SAA2: variants seen among roughly 807,000 people sequenced by gnomAD.
SAA2 encodes the protein serum amyloid A2, also known as serum amyloid A-2 protein.
SAA2 carries 5 observed loss-of-function variants against 9.1 expected under a neutral mutation model. The ratio of observed to expected loss-of-function variants is 0.55; its 90% CI spans 0.29 to 1.16. SAA2 has a LOEUF of 1.16. Among genes scored for constraint, SAA2 ranks in the 50% most tolerant of loss-of-function variants. The pLI is 0.09. For synonymous variants in SAA2, 49 were observed against 59.8 expected (o/e 0.82, Z 0.83); for missense variants, 94 against 153.8 (o/e 0.61, Z 2.06).
chr11:18,243,521 T>C (rs1857409799), downstream of SAA2, among the ~76,000 whole-genome samples: 1 of 152,220 alleles, frequency 6.6e-6, no homozygotes, highest in South Asian at 2.1e-4. Context: ...TCTGCTCCCA[T>C]GAGCCAATCT....
chr11:18,243,182 CT>C (rs1857397900), downstream of SAA2, among the ~76,000 whole-genome samples: 2 of 151,756 alleles, frequency 1.3e-5, no homozygotes, highest in Non-Finnish European at 2.9e-5. Context: ...TGATTTGGTC[CT>C]TTACAGACGG....
chr11:18,238,442 T>C (rs1177337592), downstream of SAA2, among the ~76,000 whole-genome samples: 2 of 152,202 alleles, frequency 1.3e-5, no homozygotes, highest in African/African-American at 4.8e-5. Flanking sequence ...CTCAATTTCA[T>C]AGTATTTGAA....
At chr11:18,246,495 C>A (rs1262972032) in intron 2 of SAA2, among the ~76,000 whole-genome samples, 4 of 152,322 alleles carry the variant, frequency 2.6e-5, no homozygotes, top group Admixed American at 6.5e-5. Context: ...CTTGAGGAAG[C>A]AATAGAGCAG....
Position 18,245,335 on chromosome 11 carries a change from G to T in SAA2, c.*42C>A, listed in dbSNP as rs1857470337. On this transcript the variant is annotated 3_prime_UTR_variant, in exon 4 of 4. Transcript: ENST00000256733. ...CTAACTTTGTATCCCTGCCCCGAGG[G>T]CCTCATAGCCAGGTCTCCTGAGAGC... 6.2e-7 allele frequency: 1 copy of T among 1,611,612 alleles called. No homozygotes were observed. The highest frequency in any genetic ancestry group is 1.3e-5 in the African/African-American group (1 of 74,868).
At chr11:18,246,481 G>T (rs1480867472) in intron 2 of SAA2, among the ~76,000 whole-genome samples, 2 of 152,230 alleles carry the variant, frequency 1.3e-5, no homozygotes, top group Non-Finnish European at 2.9e-5. Flanking sequence ...GATACTGTGG[G>T]TTGCTTGAGG....
chr11:18,239,905 G>A, exon 4 of SAA2: 2 of 1,542,608 alleles, frequency 1.3e-6, no homozygotes, highest in Middle Eastern at 1.7e-4. Flanking sequence ...ATCAATGCCT[G>A]GGTCATGTAG....
downstream of SAA2, among the ~76,000 whole-genome samples, chr11:18,240,966 C>T (rs1302971386): frequency 6.6e-6 from 1 of 152,110 alleles, no homozygotes; most frequent in East Asian, 1.9e-4. Flanking sequence ...GCAAACTACT[C>T]ATCTGACAAA....
At chr11:18,242,815 TC>T (rs1235916807), downstream of SAA2, 1 of 701,586 alleles carries the variant, frequency 1.4e-6, no homozygotes, top group Non-Finnish European at 2.6e-6. Context: ...CCATGGCACT[TC>T]AGCCTGGATG....
At chr11:18,246,502 G>GC (rs1857546081) in intron 2 of SAA2, among the ~76,000 whole-genome samples, 1 of 152,212 alleles carries the variant, frequency 6.6e-6, no homozygotes, top group Admixed American at 6.5e-5. Flanking sequence ...AAGCAATAGA[G>GC]CAGCGGTTCT....
downstream of SAA2, chr11:18,242,883 G>T: frequency 1.5e-6 from 1 of 688,768 alleles, no homozygotes; most frequent in South Asian, 1.5e-5. Flanking sequence ...CTATAACAAA[G>T]AGCAATGCAA....
At chr11:18,240,650 G>A (rs996491140), downstream of SAA2, among the ~76,000 whole-genome samples, 6 of 151,952 alleles carry the variant, frequency 3.9e-5, no homozygotes, top group African/African-American at 7.3e-5. Context: ...TTCAATAAAC[G>A]GTGCTGATAA....
In SAA2 at chr11:18,245,524, C is replaced by T; in HGVS notation, c.231-9G>A. 1 of 1,613,892 alleles carries T rather than the reference C, an allele frequency of 6.2e-7. No homozygotes were observed. The highest frequency in any genetic ancestry group is 8.5e-7 in the Non-Finnish European group (1 of 1,179,784). On this transcript the variant is annotated splice_polypyrimidine_tract_variant and intron_variant, in intron 3 of 3. Coordinates refer to ENST00000256733, the MANE Select transcript of SAA2 (RefSeq NM_030754.5). ...TATTCTCTCTGGCATTGCTGTAGTC[C>T]AGGCAGGCAAGAAGGAGATTAATCA...
At chr11:18,247,030 G>A (rs1201150426) in intron 2 of SAA2, among the ~76,000 whole-genome samples, 6 of 152,370 alleles carry the variant, frequency 3.9e-5, no homozygotes, top group South Asian at 2.1e-4. Flanking sequence ...AAGCACAGCC[G>A]GGCTCAAACC....
At chr11:18,239,852 T>A (rs553773571) in exon 4 of SAA2, 6 of 1,464,946 alleles carry the variant, frequency 4.1e-6, no homozygotes, top group East Asian at 5.0e-5. Flanking sequence ...AAGGCCATGG[T>A]CTTGTTAGTG....
At chr11:18,241,850 TATGCA>T (rs1392314319), downstream of SAA2, among the ~76,000 whole-genome samples, 3 of 152,182 alleles carry the variant, frequency 2.0e-5, no homozygotes, top group Admixed American at 6.5e-5. Flanking sequence ...ATTTCACCAT[TATGCA>T]ATCTATCAGT....
downstream of SAA2, chr11:18,245,213 A>C (rs1467284917): frequency 6.9e-6 from 10 of 1,440,560 alleles, no homozygotes; most frequent in African/African-American, 1.1e-4. Context: ...AGTCAGCACC[A>C]AAAGAAGAAC....
At chr11:18,245,813 C>A (rs1241580532) in intron 3 of SAA2, 97 bp downstream of exon 3, 2 of 1,418,646 alleles carry the variant, frequency 1.4e-6, no homozygotes, top group East Asian at 2.6e-5. Flanking sequence ...GGGACCACAG[C>A]CTCTAACTTC....
chr11:18,239,555 C>G (rs559454610), exon 4 of SAA2: 2 of 398,572 alleles, frequency 5.0e-6, no homozygotes, highest in South Asian at 2.8e-4. Context: ...ACCACCTTCA[C>G]GAGATAGTCA....
exon 4 of SAA2, chr11:18,239,866 G>T: frequency 2.0e-6 from 3 of 1,508,760 alleles, no homozygotes; most frequent in Non-Finnish European, 2.7e-6. Context: ...GTTAGTGGTG[G>T]TTATTTACAC....
Sources: gnomAD v4.1 joint callset for allele counts (sites outside exome capture counted in the v4.1 genomes callset) on GRCh38, gnomAD v4.1.1 for gene constraint, MANE v1.5 for transcripts, NCBI Gene and HGNC (gene_info 2026-07-23, HGNC 2026-07-21) for gene names.